ZNF202: variants seen among roughly 807,000 people sequenced by gnomAD.
ZNF202 encodes zinc finger protein 202.
ZNF202 carries 22 observed loss-of-function variants against 54.5 expected under a neutral mutation model. The ratio of observed to expected loss-of-function variants is 0.40; its 90% confidence interval spans 0.29 to 0.58. ZNF202 has a LOEUF of 0.58. Among genes scored for constraint, ZNF202 ranks in the 20% least tolerant of loss-of-function variants. ZNF202 has a pLI of 0.39. For missense variants in ZNF202, 644 were observed against 805.5 expected, an observed-to-expected ratio of 0.80 and a Z score of 2.43; for synonymous variants, 294 against 301.4, an observed-to-expected ratio of 0.98 and a Z score of 0.26.
At chr11:123,732,721 C>T (rs1401718959) in intron 3 of ZNF202, among the ~76,000 whole-genome samples, 1 of 152,110 alleles carries the variant, frequency 6.6e-6, no homozygotes, top group Non-Finnish European at 1.5e-5. Flanking sequence ...CATCAATCTC[C>T]AATACCTATA....
intron 3 of ZNF202, among the ~76,000 whole-genome samples, chr11:123,733,570 T>C (rs1861505208): frequency 6.6e-6 from 1 of 152,152 alleles, no homozygotes; most frequent in Non-Finnish European, 1.5e-5. Context: ...CTTGGACAGT[T>C]TGCTTTTTTA....
At position 123,729,796 on chromosome 11, in the gene ZNF202, G is replaced by A. The variant is rs2137329682; in HGVS notation, c.432C>T (p.Val144=). The change falls in exon 5 of 9, where the codon GTC becomes GTT. Residue 144 remains valine, a synonymous_variant. Transcript: ENST00000530393. ...WVTVHVHGQE[V]LSEETVHLGV... ...CTAAATGCACCGTCTCCTCTGACAG[G>A]ACTTCCTGGCCGTGAACATGGACAG... 6.2e-7 allele frequency: 1 copy of A among 1,611,932 alleles called. No homozygotes were observed. Among genetic ancestry groups the A allele is most frequent in the East Asian group, 2.2e-5 (1 of 44,780 alleles).
In ZNF202 at chr11:123,727,711, G is replaced by T. The variant is rs1210409212; in HGVS notation, c.833-116C>A. The T allele has an allele frequency of 2.9e-6, 4 of 1,362,888 alleles. No homozygotes were observed. The East Asian group carries it at 9.4e-5, about 32-fold the overall frequency. The allele number at this position is 1,362,888 out of a possible 1,614,324, so 84.4% of individuals were successfully genotyped here. On this transcript the variant is annotated intron_variant, in intron 7 of 8. Coordinates refer to ENST00000530393, the MANE Select transcript of ZNF202 (RefSeq NM_003455.4). The stretch of plus-strand genomic sequence containing the variant: ...CAAATACATAGCTAGCTCAGGTGAT[G>T]AAATCTTTCATCTCTTTAGTTTGTG...
Position 123,729,537 on chromosome 11 carries a change from T to C in ZNF202, c.613+78A>G, listed in dbSNP as rs968709211. ...GTCTATCTACCCAGCTTCCTTGGTA[T>C]AGGAGAAATGTCCGAGAAATGTCCC... On this transcript the variant is annotated intron_variant, in intron 5 of 8. Coordinates refer to ENST00000530393, the MANE Select transcript of ZNF202 (RefSeq NM_003455.4). 26 of 1,387,734 alleles carry C rather than the reference T, an allele frequency of 1.9e-5. No homozygotes were observed. In the Admixed American group the frequency reaches 2.4e-4, roughly 13 times the overall value. 86.0% of individuals were successfully genotyped at this position (1,387,734 alleles called of 1,614,324 possible).
At position 123,738,266 on chromosome 11, in the gene ZNF202, C is replaced by T. The variant is rs1048670518; in HGVS notation, c.-98+1851G>A. Among the ~76,000 whole-genome samples the T allele has an allele frequency of 4.6e-5, 7 of 152,174 alleles. No individual in the cohort carries two copies. The South Asian group carries it at 1.2e-3, about 27-fold the overall frequency. ...GCTCAAGTGATCTGCCAGCTTTGGC[C>T]TCCCAAAGTGTTAGGATTACAGGTG... On this transcript the variant is annotated intron_variant, in intron 3 of 8. Coordinates refer to ENST00000530393, the MANE Select transcript of ZNF202 (RefSeq NM_003455.4).
At position 123,725,866 on chromosome 11, in the gene ZNF202, G is replaced by C. The variant is rs1246550489; in HGVS notation, c.*131C>G. The C allele has an allele frequency of 9.3e-7, 1 of 1,069,836 alleles. No homozygotes were observed. The highest frequency in any genetic ancestry group is 1.3e-6 in the Non-Finnish European group (1 of 765,106). The allele number at this position is 1,069,836 out of a possible 1,614,324, so 66.3% of individuals were successfully genotyped here. A position where few individuals can be genotyped will look rare whatever the true frequency, so the allele number is the denominator to read the frequency against. ...GGCTCGTGTTTAGTTGCAGGAAGAG[G>C]TAATGTCAGATCTGAGCAGGTCAGG... On this transcript the variant is annotated 3_prime_UTR_variant, in exon 9 of 9. Transcript: ENST00000530393.
At chr11:123,740,619 G>C (rs780733327) in intron 1 of ZNF202, 83 bp from the exon 2 acceptor site, 2 of 152,272 alleles carry the variant, frequency 1.3e-5, no homozygotes, top group African/African-American at 2.4e-5. Context: ...TGCTCCCCAG[G>C]ACCAAGGTTG....
At chr11:123,733,391 TCTG>T (rs1300465303) in intron 3 of ZNF202, among the ~76,000 whole-genome samples, 1 of 152,192 alleles carries the variant, frequency 6.6e-6, no homozygotes, top group Non-Finnish European at 1.5e-5. Flanking sequence ...TAATTTTTCC[TCTG>T]CTATCTCTAC....
intron 3 of ZNF202, chr11:123,738,779 CCT>C (rs1164612759): frequency 6.6e-6 from 1 of 152,150 alleles, no homozygotes; most frequent in Admixed American, 6.5e-5. Flanking sequence ...GTGGATACTC[CCT>C]GTTTCACGTC....
chr11:123,725,977 C>G lies in ZNF202; in HGVS notation c.*20G>C. 1.3e-6 allele frequency: 2 copies of G among 1,592,098 alleles called. No homozygotes were observed. Among genetic ancestry groups the G allele is most frequent in the Non-Finnish European group, 1.7e-6 (2 of 1,167,834 alleles). Reference sequence around the variant, plus strand: ...CCTTAGGTGAGGGCTGAAAGCAGATCTCCTCACATGGGGACCTAGCTAGGA... The same window carrying G: ...CCTTAGGTGAGGGCTGAAAGCAGATGTCCTCACATGGGGACCTAGCTAGGA... On this transcript the variant is annotated 3_prime_UTR_variant, in exon 9 of 9. Transcript: ENST00000530393.
At chr11:123,738,266 C>G (rs1048670518) in intron 3 of ZNF202, among the ~76,000 whole-genome samples, 11 of 152,174 alleles carry the variant, frequency 7.2e-5, no homozygotes, top group African/African-American at 2.7e-4. Flanking sequence ...CAGCTTTGGC[C>G]TCCCAAAGTG....
At position 123,730,404 on chromosome 11, in the gene ZNF202, TCCTGCAAGCTCTC is replaced by T; in HGVS notation, c.402+70_402+82del. 1 of 1,458,684 alleles carries T rather than the reference TCCTGCAAGCTCTC, an allele frequency of 6.9e-7. No homozygotes were observed. The highest frequency in any genetic ancestry group is 9.1e-7 in the Non-Finnish European group (1 of 1,102,076). 90.4% of individuals were successfully genotyped at this position (1,458,684 alleles called of 1,614,324 possible). A position where few individuals can be genotyped will look rare whatever the true frequency, so the allele number is the denominator to read the frequency against. ...AGAGCCCACTAATAATTTATGGGGA[TCCTGCAAGCTCTC>T]CCCGCAAATCCAGCCTTCCAGCAAA... On this transcript the variant is annotated intron_variant, in intron 4 of 8. Coordinates refer to ENST00000530393, the MANE Select transcript of ZNF202 (RefSeq NM_003455.4). The surrounding 1 kb of genome is among the most constrained non-coding windows in gnomAD (Gnocchi z 6.0).
intron 3 of ZNF202, among the ~76,000 whole-genome samples, chr11:123,736,966 T>C (rs1197929232): frequency 6.6e-6 from 1 of 152,120 alleles, no homozygotes; most frequent in Non-Finnish European, 1.5e-5. Context: ...CAGTTCTCTA[T>C]TGCATCATAA....
In ZNF202 at chr11:123,727,517, T is replaced by G; in HGVS notation, c.911A>C (p.Gln304Pro). 11 of 1,614,182 alleles carry G rather than the reference T, an allele frequency of 6.8e-6. No individual in the cohort carries two copies. The highest frequency in any genetic ancestry group is 9.3e-6 in the Non-Finnish European group (11 of 1,180,018). The change falls in exon 8 of 9, where the codon CAG (glutamine) becomes CCG (proline). Residue 304 changes from glutamine (Q) to proline (P), a missense_variant. Gln to Pro is a moderately conservative substitution (Grantham distance 76). Transcript: ENST00000530393. ...EPWVPDIQEP[Q>P]ETQEPEILSF... ...CAGGATTTCTGGCTCTTGAGTCTCC[T>G]GAGGCTCTTGGATATCTGGGACCCA...
intron 3 of ZNF202, among the ~76,000 whole-genome samples, chr11:123,735,172 A>G (rs1310058537): frequency 1.3e-5 from 2 of 152,214 alleles, no homozygotes; most frequent in African/African-American, 4.8e-5. Flanking sequence ...GAATTAATAC[A>G]TAGGGTCTTT....
At chr11:123,739,074 T>C (rs1287595447) in intron 3 of ZNF202, among the ~76,000 whole-genome samples, 2 of 152,238 alleles carry the variant, frequency 1.3e-5, no homozygotes, top group Non-Finnish European at 2.9e-5. Context: ...GTAGAAAAGG[T>C]ATTCAATAAA....
intron 3 of ZNF202, among the ~76,000 whole-genome samples, chr11:123,736,126 C>G (rs988397498): frequency 2.6e-5 from 4 of 152,174 alleles, no homozygotes; most frequent in African/African-American, 4.8e-5. Context: ...GTCTCTGCCC[C>G]TTATCTGAAG....
intron 7 of ZNF202, 102 bp downstream of exon 7, chr11:123,728,031 G>C: frequency 3.0e-6 from 4 of 1,347,372 alleles, no homozygotes; most frequent in Non-Finnish European, 4.0e-6. Flanking sequence ...AGGCATAAGA[G>C]AAGTTCACTG....
chr11:123,740,919 C>T (rs1002418915), intron 1 of ZNF202, among the ~76,000 whole-genome samples: 1 of 138,232 alleles, frequency 7.2e-6, no homozygotes, highest in Non-Finnish European at 1.6e-5. Context: ...CAAGTGGAGA[C>T]AGCAGCTACT....
Sources: gnomAD v4.1 joint callset for allele counts (sites outside exome capture counted in the v4.1 genomes callset) on GRCh38, gnomAD v4.1.1 for gene constraint, Gnocchi (gnomAD v3.1) non-coding constraint, MANE v1.5 for transcripts, NCBI Gene and HGNC (gene_info 2026-07-23, HGNC 2026-07-21) for gene names.